XKR6: variants seen among roughly 807,000 people sequenced by gnomAD.
The protein encoded by XKR6 is XK related 6, also known as XK-related protein 6.
In XKR6, 22 loss-of-function variants were observed where a neutral mutation model predicts 56.7. The observed-to-expected ratio is 0.39, with a 90% confidence interval of 0.28 to 0.55. The LOEUF (loss-of-function observed/expected upper bound fraction) is 0.55, where lower values mean the gene tolerates loss of function less well. Among genes scored for constraint, XKR6 ranks in the 20% least tolerant of loss-of-function variants. The pLI is 0.66. For synonymous variants in XKR6, 524 were observed against 387.8 expected (o/e 1.35, Z -4.13); for missense variants, 852 against 889.0 (o/e 0.96, Z 0.53).
At chr8:11,152,364 G>A (rs1586622065) in intron 1 of XKR6, among the ~76,000 whole-genome samples, 2 of 152,252 alleles carry the variant, frequency 1.3e-5, no homozygotes, top group Middle Eastern at 3.4e-3. Context: ...CCTTATCTAC[G>A]CCAGTCAAGG....
At chr8:11,136,115 A>C (rs754156373) in intron 1 of XKR6, among the ~76,000 whole-genome samples, 4 of 152,176 alleles carry the variant, frequency 2.6e-5, no homozygotes, top group Non-Finnish European at 5.9e-5. Flanking sequence ...CCACCACCGG[A>C]AGTATCTGCG....
intron 1 of XKR6, among the ~76,000 whole-genome samples, chr8:11,033,675 C>T (rs1390310864): frequency 1.3e-5 from 2 of 152,084 alleles, no homozygotes; most frequent in African/African-American, 4.8e-5. Context: ...ATTAGAAAGG[C>T]CTTTCCCCAA....
intron 1 of XKR6, among the ~76,000 whole-genome samples, chr8:11,151,875 T>C (rs1390931868): frequency 6.6e-6 from 1 of 152,088 alleles, no homozygotes; most frequent in Non-Finnish European, 1.5e-5. Context: ...ACTACAATTT[T>C]GGCTATGTAA....
intron 1 of XKR6, among the ~76,000 whole-genome samples, chr8:11,185,347 G>A (rs561456126): frequency 1.1e-4 from 17 of 152,166 alleles, no homozygotes; most frequent in Non-Finnish European, 2.1e-4. Context: ...GTGTTTTTGT[G>A]AACAGAAATA....
At position 10,924,743 on chromosome 8, in the gene XKR6, A is replaced by G; in HGVS notation, c.852T>C (p.Tyr284=). 6.2e-7 allele frequency: 1 copy of G among 1,614,022 alleles called. No individual in the cohort carries two copies. The highest frequency in any genetic ancestry group is 8.5e-7 in the Non-Finnish European group (1 of 1,180,004). Residue 284 remains tyrosine, a synonymous_variant, in exon 2 of 3, where the codon TAT becomes TAC. Transcript: ENST00000416569. The stretch of plus-strand genomic sequence containing the variant: ...GGAGGCGCAGCATGTTGACGTCTGC[A>G]TATTCATACATCATAGCCCAGTAGA... The part of the protein sequence containing the change: ...RRFYWAMMYE[Y]ADVNMLRLLE...
At chr8:11,062,945 T>C in intron 1 of XKR6, 1 of 433,186 alleles carries the variant, frequency 2.3e-6, no homozygotes, top group Non-Finnish European at 4.7e-6. Flanking sequence ...ATGCATTGGC[T>C]AGAAGTGAAG....
intron 1 of XKR6, among the ~76,000 whole-genome samples, chr8:10,978,702 T>C (rs935517378): frequency 1.3e-5 from 2 of 152,228 alleles, no homozygotes; most frequent in Non-Finnish European, 2.9e-5. Context: ...CTTGGTTCTT[T>C]GCTTTGACAA....
At chr8:10,995,152 C>T (rs1798080911) in intron 1 of XKR6, among the ~76,000 whole-genome samples, 1 of 152,032 alleles carries the variant, frequency 6.6e-6, no homozygotes, top group Admixed American at 6.6e-5. Flanking sequence ...AGCATTTTTG[C>T]CTTTACTATC....
chr8:10,947,267 T>C (rs556563962), intron 1 of XKR6, among the ~76,000 whole-genome samples: 1 of 152,176 alleles, frequency 6.6e-6, no homozygotes, highest in South Asian at 2.1e-4. Context: ...AGAAGAATGG[T>C]GTTGCCATTC....
chr8:11,176,651 A>G (rs1185409616), intron 1 of XKR6, among the ~76,000 whole-genome samples: 1 of 152,146 alleles, frequency 6.6e-6, no homozygotes, highest in African/African-American at 2.4e-5. Flanking sequence ...GAGGCAGATG[A>G]AGTCGGCCCC....
At chr8:11,069,950 A>G (rs1433033688) in intron 1 of XKR6, among the ~76,000 whole-genome samples, 1 of 152,236 alleles carries the variant, frequency 6.6e-6, no homozygotes, top group East Asian at 1.9e-4. Flanking sequence ...GGATTAGTCA[A>G]TAGAGGCCAG....
chr8:11,117,612 G>C (rs73545496), intron 1 of XKR6, among the ~76,000 whole-genome samples: 1 of 152,030 alleles, frequency 6.6e-6, no homozygotes, highest in African/African-American at 2.4e-5. Context: ...CCATAAAAAT[G>C]TTCAAAGAAA....
intron 1 of XKR6, among the ~76,000 whole-genome samples, chr8:11,043,480 C>A (rs1047461724): frequency 2.0e-5 from 3 of 152,234 alleles, no homozygotes; most frequent in African/African-American, 7.2e-5. Flanking sequence ...CCCTCCTTCA[C>A]GTTTGACCTT....
chr8:11,046,742 TA>T (rs1799420379), intron 1 of XKR6, among the ~76,000 whole-genome samples: 1 of 152,172 alleles, frequency 6.6e-6, no homozygotes, highest in Non-Finnish European at 1.5e-5. Flanking sequence ...CATGGATGAA[TA>T]GACAAAGAAA....
At chr8:11,059,732 C>G (rs1487977971) in intron 1 of XKR6, among the ~76,000 whole-genome samples, 1 of 150,170 alleles carries the variant, frequency 6.7e-6, no homozygotes, top group Admixed American at 6.6e-5. Flanking sequence ...CCGGCCCGCG[C>G]CCCCCGGACC....
At chr8:11,015,683 G>A (rs2129147095) in intron 1 of XKR6, among the ~76,000 whole-genome samples, 1 of 152,300 alleles carries the variant, frequency 6.6e-6, no homozygotes, top group Middle Eastern at 3.4e-3. Flanking sequence ...AAGACTGGTT[G>A]AGCTCAGAAC....
At chr8:11,136,010 T>TAGAA (rs1800371715) in intron 1 of XKR6, among the ~76,000 whole-genome samples, 1 of 152,234 alleles carries the variant, frequency 6.6e-6, no homozygotes, top group Non-Finnish European at 1.5e-5. Context: ...GAGGCATTCT[T>TAGAA]TTATCTATGG....
intron 2 of XKR6, among the ~76,000 whole-genome samples, chr8:10,909,162 T>C (rs1472145099): frequency 5.9e-5 from 7 of 118,168 alleles, no homozygotes; most frequent in Non-Finnish European, 1.0e-4. Flanking sequence ...CAAGACTCTG[T>C]CTCAAAAAAA....
intron 1 of XKR6, among the ~76,000 whole-genome samples, chr8:10,995,601 T>C (rs1472070073): frequency 6.7e-6 from 1 of 148,834 alleles, no homozygotes; most frequent in Non-Finnish European, 1.5e-5. Flanking sequence ...GGTAGGAGAA[T>C]CACTTGAGCC....
Sources: gnomAD v4.1 joint callset for allele counts (sites outside exome capture counted in the v4.1 genomes callset) on GRCh38, gnomAD v4.1.1 for gene constraint, MANE v1.5 for transcripts, NCBI Gene and HGNC (gene_info 2026-07-23, HGNC 2026-07-21) for gene names.